PSD2: variants seen among roughly 807,000 people sequenced by gnomAD.
PSD2 encodes the protein PH and SEC7 domain-containing protein 2.
PSD2 carries 38 observed loss-of-function variants against 69.8 expected under a neutral mutation model. The observed-to-expected ratio is 0.54, with a 90% CI of 0.42 to 0.71. The LOEUF is 0.71. PSD2 is among the 30% of genes least tolerant of loss of function. The pLI, the probability that PSD2 is intolerant of heterozygous loss-of-function variation, is 0.00. For synonymous variants in PSD2, 412 were observed against 423.0 expected (o/e 0.97, Z 0.32); for missense variants, 943 against 1,014.5 (o/e 0.93, Z 0.96).
the PSD2 span, among the ~76,000 whole-genome samples, chr5:139,753,545 T>C: frequency 6.6e-6 from 1 of 152,110 alleles, no homozygotes. Flanking sequence ...TCCTGACCCC[T>C]CACTTTTGAC....
chr5:139,808,693 G>A (rs1759870848), intron 1 of PSD2, among the ~76,000 whole-genome samples: 1 of 152,212 alleles, frequency 6.6e-6, no homozygotes, highest in South Asian at 2.1e-4. Context: ...GGGGCTCTGG[G>A]CGCTGTGTGT....
the PSD2 span, among the ~76,000 whole-genome samples, chr5:139,783,819 C>T: frequency 1.1e-4 from 16 of 152,086 alleles, no homozygotes; most frequent in Non-Finnish European, 1.9e-4. Flanking sequence ...TCTCATTTCT[C>T]CTCGATATTG....
chr5:139,766,928 C>CTTTCTTTCTTTCTTT, the PSD2 span, among the ~76,000 whole-genome samples: 16 of 31,238 alleles, frequency 5.1e-4, 1 homozygote, highest in South Asian at 1.4e-3. Flanking sequence ...TTCCTTCCTT[C>CTTTCTTTCTTTCTTT]CCTTCTTTCT....
rs1760754785 is a variant in PSD2, at chr5:139,837,320, C to A, written c.1665+82C>A. ...CCTGGCCTTGTGGCACCCCGAAGCC[C>A]CAGGCAGGACCTGGGGCTCAGGCAC... On this transcript the variant is annotated intron_variant, in intron 11 of 14. Coordinates refer to ENST00000274710, the MANE Select transcript of PSD2 (RefSeq NM_032289.4). This position sits in a 1 kb window ranked among gnomAD's most constrained non-coding sequence, Gnocchi z 5.0. 3 of 1,331,856 alleles carry A rather than the reference C, an allele frequency of 2.3e-6. No homozygotes were observed. Among genetic ancestry groups the A allele is most frequent in the South Asian group, 2.4e-5 (2 of 82,464 alleles). The allele number at this position is 1,331,856 out of a possible 1,614,324, so 82.5% of individuals were successfully genotyped here. A position where few individuals can be genotyped will look rare whatever the true frequency, so the allele number is the denominator to read the frequency against.
chr5:139,750,732 C>A, the PSD2 span, among the ~76,000 whole-genome samples: 6 of 152,038 alleles, frequency 3.9e-5, no homozygotes, highest in African/African-American at 1.2e-4. Flanking sequence ...AAGAGTCTGT[C>A]AAGAGCCTGG....
At chr5:139,790,104 G>A in the PSD2 span, among the ~76,000 whole-genome samples, 1 of 152,150 alleles carries the variant, frequency 6.6e-6, no homozygotes, top group East Asian at 1.9e-4. Flanking sequence ...AGATCTTATG[G>A]GATTTTGTGG....
intron 7 of PSD2, among the ~76,000 whole-genome samples, chr5:139,830,340 G>A (rs1194601328): frequency 1.4e-5 from 2 of 143,784 alleles, no homozygotes; most frequent in Non-Finnish European, 3.0e-5. Context: ...TCTCTTGATA[G>A]TGTTCTTTTT....
At chr5:139,745,142 G>A in the PSD2 span, 1 of 152,332 alleles carries the variant, frequency 6.6e-6, no homozygotes, top group African/African-American at 2.4e-5. Flanking sequence ...CATGTCACAA[G>A]GCCAGCTGCT....
the PSD2 span, among the ~76,000 whole-genome samples, chr5:139,787,700 G>T: frequency 3.9e-5 from 6 of 152,238 alleles, no homozygotes; most frequent in Admixed American, 3.9e-4. Flanking sequence ...TGGGCTGGGC[G>T]GCCTGTTGAA....
chr5:139,825,411 C>A (rs1760391862), intron 7 of PSD2, among the ~76,000 whole-genome samples: 1 of 152,168 alleles, frequency 6.6e-6, no homozygotes, highest in African/African-American at 2.4e-5. Context: ...GGGGTTCCTA[C>A]CTTGGAGTGG....
chr5:139,809,852 T>A (rs1442141849), intron 2 of PSD2, 41 bp downstream of exon 2: 2 of 1,604,168 alleles, frequency 1.2e-6, no homozygotes, highest in African/African-American at 1.3e-5. Flanking sequence ...CACATTTGGC[T>A]GTTCTGTTGT....
chr5:139,786,153 G>A, the PSD2 span, among the ~76,000 whole-genome samples: 2 of 152,178 alleles, frequency 1.3e-5, no homozygotes, highest in East Asian at 1.9e-4. Flanking sequence ...TGGAGGCTGA[G>A]GCAGGAGGAT....
At chr5:139,802,657 A>T (rs1221594481) in intron 1 of PSD2, among the ~76,000 whole-genome samples, 1 of 152,110 alleles carries the variant, frequency 6.6e-6, no homozygotes, top group Non-Finnish European at 1.5e-5. Context: ...CCCGTAGGGA[A>T]GTCAGTTGGG....
chr5:139,794,446 T>A (rs1247096517), upstream of PSD2, among the ~76,000 whole-genome samples: 2 of 152,190 alleles, frequency 1.3e-5, no homozygotes, highest in African/African-American at 4.8e-5. Flanking sequence ...ACACCTCCAA[T>A]TACTGCCACC....
the PSD2 span, among the ~76,000 whole-genome samples, chr5:139,756,052 T>G: frequency 6.6e-6 from 1 of 152,122 alleles, no homozygotes; most frequent in Admixed American, 6.5e-5. Context: ...CCCCGCCAGG[T>G]GAGCGCAGCC....
At chr5:139,784,339 T>C in the PSD2 span, among the ~76,000 whole-genome samples, 1 of 152,014 alleles carries the variant, frequency 6.6e-6, no homozygotes, top group African/African-American at 2.4e-5. Flanking sequence ...TCATCCCCAA[T>C]GTGTATCTCC....
intron 4 of PSD2, among the ~76,000 whole-genome samples, chr5:139,815,338 C>A (rs1432945096): frequency 3.3e-5 from 5 of 151,984 alleles, no homozygotes; most frequent in Non-Finnish European, 7.4e-5. Flanking sequence ...CTTTCAGGAG[C>A]CTTCTTTGTG....
rs142648416 is a variant in PSD2, at chr5:139,834,938, C to CAT, written c.1360-772_1360-771dup. Among the ~76,000 whole-genome samples, 819 of 150,172 alleles carry CAT rather than the reference C, an allele frequency of 5.5e-3. 4 individuals are homozygous for CAT. The highest frequency in any genetic ancestry group is 0.018 in the African/African-American group (748 of 40,810). ...TATACCCACCCATTCACCCATCACC[C>CAT]ATATATATATATATCTCCCCAAACC... On this transcript the variant is annotated intron_variant, in intron 8 of 14. Transcript: ENST00000274710.
the PSD2 span, among the ~76,000 whole-genome samples, chr5:139,769,480 C>G: frequency 6.6e-6 from 1 of 151,876 alleles, no homozygotes; most frequent in African/African-American, 2.4e-5. Context: ...GGGGGGCAGC[C>G]AGGCTGTAGC....
Sources: gnomAD v4.1 joint callset for allele counts (sites outside exome capture counted in the v4.1 genomes callset) on GRCh38, gnomAD v4.1.1 for gene constraint, Gnocchi (gnomAD v3.1) non-coding constraint, MANE v1.5 for transcripts, NCBI Gene and HGNC (gene_info 2026-07-23, HGNC 2026-07-21) for gene names.